The following CCSER1 variants were observed in gnomAD, a reference collection of about 807,000 sequenced individuals.
CCSER1 encodes coiled-coil serine rich protein 1.
A neutral mutation model predicts 82.0 loss-of-function variants in CCSER1; 41 were observed. The ratio of observed to expected loss-of-function variants is 0.50; its 90% CI spans 0.39 to 0.65. CCSER1 has a LOEUF of 0.65. Among genes scored for constraint, CCSER1 ranks in the 30% least tolerant of loss-of-function variants. The probability of loss-of-function intolerance (pLI) is 0.00; values close to 1 mark genes in which losing one functional copy is unlikely to be tolerated. For missense variants in CCSER1, 1,119 were observed against 1,064.2 expected (o/e 1.05, Z -0.72); for synonymous variants, 414 against 383.9 (o/e 1.08, Z -0.92).
intron 9 of CCSER1, among the ~76,000 whole-genome samples, chr4:90,980,457 A>G (rs1181808373): frequency 6.6e-6 from 1 of 151,794 alleles, no homozygotes; most frequent in Non-Finnish European, 1.5e-5. Flanking sequence ...TAGAGAAGAA[A>G]GTTTTGAACA....
chr4:90,807,779 T>C (rs764920457), intron 7 of CCSER1, among the ~76,000 whole-genome samples: 69 of 152,250 alleles, frequency 4.5e-4, no homozygotes, highest in Non-Finnish European at 8.7e-4. Context: ...CTTAAGCTCA[T>C]GGACTGTTAG....
At chr4:91,461,790 C>T (rs1350289801) in intron 10 of CCSER1, among the ~76,000 whole-genome samples, 1 of 152,144 alleles carries the variant, frequency 6.6e-6, no homozygotes, top group Non-Finnish European at 1.5e-5. Context: ...CTCTCAGTAA[C>T]TATTTTTGTA....
At chr4:90,478,434 A>T (rs961921153) in intron 5 of CCSER1, among the ~76,000 whole-genome samples, 5 of 152,154 alleles carry the variant, frequency 3.3e-5, no homozygotes, top group Admixed American at 3.3e-4. Context: ...GTAGGATGAA[A>T]TTTTACATTG....
chr4:90,756,214 C>A (rs983932532), intron 7 of CCSER1, among the ~76,000 whole-genome samples: 1 of 151,904 alleles, frequency 6.6e-6, no homozygotes, highest in African/African-American at 2.4e-5. Context: ...GGTGACAGAG[C>A]GAGACTCTGT....
At chr4:90,179,724 GTAACT>G (rs1461855919) in intron 1 of CCSER1, among the ~76,000 whole-genome samples, 2 of 152,160 alleles carry the variant, frequency 1.3e-5, no homozygotes, top group Non-Finnish European at 2.9e-5. Flanking sequence ...TGGATGTCCA[GTAACT>G]TAACTTGTTT....
chr4:90,843,178 G>A (rs530877104), intron 8 of CCSER1, among the ~76,000 whole-genome samples: 28 of 152,108 alleles, frequency 1.8e-4, no homozygotes, highest in African/African-American at 6.5e-4. Context: ...CATCTGCAGT[G>A]CAAAGGTAAT....
At chr4:90,751,063 G>A (rs79084991) in intron 7 of CCSER1, among the ~76,000 whole-genome samples, 4,001 of 152,148 alleles carry the variant, frequency 0.026, 142 homozygotes, top group African/African-American at 0.084. Flanking sequence ...GAAAGGTTCA[G>A]TGAAGTTTTG....
At chr4:90,488,470 G>A (rs982177656) in intron 5 of CCSER1, among the ~76,000 whole-genome samples, 2 of 152,126 alleles carry the variant, frequency 1.3e-5, no homozygotes, top group African/African-American at 4.8e-5. Flanking sequence ...TTACAAGGGT[G>A]AGCCACTGCA....
intron 4 of CCSER1, among the ~76,000 whole-genome samples, chr4:90,438,412 T>C (rs1007871530): frequency 6.6e-6 from 1 of 152,188 alleles, no homozygotes; most frequent in African/African-American, 2.4e-5. Context: ...ACTTGTGTTC[T>C]TATGCTGCCA....
Position 90,940,208 on chromosome 4 carries a change from G to T in CCSER1, c.2172+16761G>T, listed in dbSNP as rs192264561. ...AAGCTTTAACTGCAGACAAGAAAAGGTCACCTAACTAGGTACAATTTTATG... is the reference window on the plus strand; with the variant it reads ...AAGCTTTAACTGCAGACAAGAAAAGTTCACCTAACTAGGTACAATTTTATG... On this transcript the variant is annotated intron_variant, in intron 9 of 10. Coordinates refer to ENST00000509176, the MANE Select transcript of CCSER1 (RefSeq NM_001145065.2). Among the ~76,000 whole-genome samples the T allele has an allele frequency of 1.6e-4, 25 of 152,126 alleles. No homozygotes were observed. In the East Asian group the frequency reaches 3.7e-3, roughly 22 times the overall value.
chr4:91,020,618 C>T (rs139051502), intron 9 of CCSER1, among the ~76,000 whole-genome samples: 316 of 151,750 alleles, frequency 2.1e-3, no homozygotes, highest in Middle Eastern at 6.8e-3. Context: ...GCCGAGATCG[C>T]GCCACTGCAC....
chr4:90,848,893 C>A (rs1174297082), intron 8 of CCSER1, among the ~76,000 whole-genome samples: 1 of 152,228 alleles, frequency 6.6e-6, no homozygotes, highest in Non-Finnish European at 1.5e-5. Context: ...GCTCAACACT[C>A]ATTTTCTCTC....
intron 5 of CCSER1, among the ~76,000 whole-genome samples, chr4:90,555,431 GCTTT>G (rs1016297998): frequency 6.6e-5 from 10 of 152,004 alleles, no homozygotes; most frequent in Non-Finnish European, 1.5e-5. Flanking sequence ...AAAAAGATCC[GCTTT>G]CTTCATTTGC....
intron 3 of CCSER1, among the ~76,000 whole-genome samples, chr4:90,315,921 T>C (rs930323018): frequency 9.2e-5 from 14 of 152,248 alleles, no homozygotes; most frequent in African/African-American, 3.4e-4. Flanking sequence ...AAACAAGTGA[T>C]GTATATTTGG....
At chr4:91,566,788 T>C (rs1314441425) in intron 10 of CCSER1, among the ~76,000 whole-genome samples, 5 of 152,280 alleles carry the variant, frequency 3.3e-5, no homozygotes, top group African/African-American at 7.2e-5. Flanking sequence ...TATTCTTCTT[T>C]ATTAGTATAG....
intron 10 of CCSER1, among the ~76,000 whole-genome samples, chr4:91,422,872 ATAATT>A (rs1166161612): frequency 6.6e-6 from 1 of 152,168 alleles, no homozygotes; most frequent in Non-Finnish European, 1.5e-5. Context: ...CAATGGGTAA[ATAATT>A]TATATAGGAC....
intron 10 of CCSER1, among the ~76,000 whole-genome samples, chr4:91,404,131 G>T (rs1317102542): frequency 6.6e-6 from 1 of 152,134 alleles, no homozygotes; most frequent in Non-Finnish European, 1.5e-5. Context: ...TTGGGAGGGT[G>T]TATGTGTCCA....
chr4:90,428,344 A>C (rs10023848), intron 4 of CCSER1, among the ~76,000 whole-genome samples: 2,679 of 151,848 alleles, frequency 0.018, 32 homozygotes, highest in African/African-American at 0.038. Context: ...ATACAGTTAG[A>C]CCTTGAACTA....
At chr4:90,451,838 A>G (rs1265974810) in intron 4 of CCSER1, among the ~76,000 whole-genome samples, 1 of 152,146 alleles carries the variant, frequency 6.6e-6, no homozygotes, top group East Asian at 1.9e-4. Context: ...TGGCCTTTAC[A>G]GTGTATTACT....
Sources: gnomAD v4.1 joint callset for allele counts (sites outside exome capture counted in the v4.1 genomes callset) on GRCh38, gnomAD v4.1.1 for gene constraint, MANE v1.5 for transcripts, NCBI Gene and HGNC (gene_info 2026-07-23, HGNC 2026-07-21) for gene names.